The following IGF1R variants were observed in gnomAD, a reference collection of about 807,000 sequenced individuals.
The protein encoded by IGF1R is insulin-like growth factor 1 receptor.
A neutral mutation model predicts 144.6 loss-of-function variants in IGF1R; 44 were observed. That is an observed-to-expected ratio of 0.30 (90% CI 0.24 to 0.39). The LOEUF (loss-of-function observed/expected upper bound fraction) is 0.39. IGF1R is among the 10% of genes least tolerant of loss of function. IGF1R has a pLI of 1.00. For missense variants in IGF1R, 1,355 were observed against 1,833.7 expected, an observed-to-expected ratio of 0.74 and a Z score of 4.77; for synonymous variants, 795 against 722.8, an observed-to-expected ratio of 1.10 and a Z score of -1.60.
At chr15:98,864,667 G>C (rs1352075974) in intron 2 of IGF1R, among the ~76,000 whole-genome samples, 3 of 152,194 alleles carry the variant, frequency 2.0e-5, no homozygotes, top group Non-Finnish European at 4.4e-5. Flanking sequence ...ATTACAGGCG[G>C]GAGCCACAGC....
At chr15:98,682,986 A>G (rs1157158873) in intron 1 of IGF1R, among the ~76,000 whole-genome samples, 1 of 150,656 alleles carries the variant, frequency 6.6e-6, no homozygotes, top group African/African-American at 2.4e-5. Flanking sequence ...AACCCCTCAT[A>G]TCAGTGACCT....
At chr15:98,820,193 T>C (rs59843669) in intron 2 of IGF1R, among the ~76,000 whole-genome samples, 5,489 of 74,052 alleles carry the variant, frequency 0.074, 343 homozygotes, top group African/African-American at 0.23. Flanking sequence ...GAATTGCTGA[T>C]GCTATTTTCA....
At chr15:98,950,777 C>T (rs987440838) in intron 20 of IGF1R, among the ~76,000 whole-genome samples, 2 of 152,086 alleles carry the variant, frequency 1.3e-5, no homozygotes, top group East Asian at 1.9e-4. Context: ...AAGTCCCACC[C>T]GTACTCAAGT....
chr15:98,788,054 C>CTGTG (rs771505030), intron 2 of IGF1R, among the ~76,000 whole-genome samples: 4,568 of 142,016 alleles, frequency 0.032, 94 homozygotes, highest in Middle Eastern at 0.1. Context: ...CTCTCTCTCT[C>CTGTG]TCTCTCTCTG....
intron 1 of IGF1R, among the ~76,000 whole-genome samples, chr15:98,668,291 A>G (rs2052795865): frequency 2.0e-5 from 3 of 152,168 alleles, no homozygotes; most frequent in Non-Finnish European, 4.4e-5. Context: ...TTGGGGCTTC[A>G]GTATATGAAT....
chr15:98,727,173 C>T, intron 2 of IGF1R, among the ~76,000 whole-genome samples: 1 of 152,118 alleles, frequency 6.6e-6, no homozygotes, highest in East Asian at 1.9e-4. Flanking sequence ...GATGTTTTAG[C>T]TGTGATGAAT....
chr15:98,936,221 C>G (rs1302763657), intron 17 of IGF1R, among the ~76,000 whole-genome samples: 1 of 152,186 alleles, frequency 6.6e-6, no homozygotes, highest in Non-Finnish European at 1.5e-5. Context: ...ATGATCCCAC[C>G]TCAGCTGCAG....
intron 1 of IGF1R, among the ~76,000 whole-genome samples, chr15:98,682,008 C>T (rs1038278055): frequency 1.3e-5 from 2 of 151,914 alleles, no homozygotes; most frequent in Admixed American, 6.6e-5. Flanking sequence ...GGGTGGAGAG[C>T]GATTAGGAAG....
chr15:98,827,355 C>A (rs375947414), intron 2 of IGF1R, among the ~76,000 whole-genome samples: 1 of 152,142 alleles, frequency 6.6e-6, no homozygotes, highest in East Asian at 1.9e-4. Context: ...ACCATGAAGA[C>A]CCCTTAGCTC....
chr15:98,827,026 T>C (rs2056906521), intron 2 of IGF1R, among the ~76,000 whole-genome samples: 2 of 152,222 alleles, frequency 1.3e-5, no homozygotes, highest in African/African-American at 2.4e-5. Flanking sequence ...ATAGTTTATT[T>C]TAAAATGTAA....
At chr15:98,700,823 G>A (rs781074166) in intron 1 of IGF1R, among the ~76,000 whole-genome samples, 20 of 152,044 alleles carry the variant, frequency 1.3e-4, no homozygotes, top group Non-Finnish European at 2.4e-4. Context: ...TTTCAGGGTC[G>A]TCTCTGCTGA....
chr15:98,780,476 G>A (rs2055830538), intron 2 of IGF1R, among the ~76,000 whole-genome samples: 1 of 150,076 alleles, frequency 6.7e-6, no homozygotes, highest in Non-Finnish European at 1.5e-5. Flanking sequence ...TTGAACCCGG[G>A]AGGTGGAGGT....
At chr15:98,830,477 A>G (rs2056979743) in intron 2 of IGF1R, among the ~76,000 whole-genome samples, 1 of 152,172 alleles carries the variant, frequency 6.6e-6, no homozygotes, top group Admixed American at 6.5e-5. Context: ...ATCTGTCATC[A>G]GTGACTATTG....
chr15:98,947,775 C>T (rs538433598), intron 19 of IGF1R, among the ~76,000 whole-genome samples: 2 of 152,192 alleles, frequency 1.3e-5, no homozygotes, highest in Non-Finnish European at 2.9e-5. Context: ...GATTCTTTGT[C>T]CATGATACCC....
At chr15:98,932,131 T>G (rs1207159930) in intron 15 of IGF1R, among the ~76,000 whole-genome samples, 1 of 152,204 alleles carries the variant, frequency 6.6e-6, no homozygotes, top group East Asian at 1.9e-4. Context: ...CATGGTGACT[T>G]GAATTCACAT....
At chr15:98,657,103 C>G (rs1009464067) in intron 1 of IGF1R, among the ~76,000 whole-genome samples, 8 of 152,180 alleles carry the variant, frequency 5.3e-5, no homozygotes, top group Non-Finnish European at 1.2e-4. Flanking sequence ...TGGTTAGTCT[C>G]TGTAAAGTTG....
rs893212565 is a variant in IGF1R, at chr15:98,948,493, G to A, written c.3588-81G>A. 7 of 1,441,726 alleles carry A rather than the reference G, an allele frequency of 4.9e-6. No individual in the cohort carries two copies. The African/African-American group carries it at 5.6e-5, about 12-fold the overall frequency. The allele number at this position is 1,441,726 out of a possible 1,614,324, so 89.3% of individuals were successfully genotyped here. On this transcript the variant is annotated intron_variant, in intron 19 of 20. Coordinates refer to ENST00000650285, the MANE Select transcript of IGF1R (RefSeq NM_000875.5). The stretch of plus-strand genomic sequence containing the variant: ...TAAGGACAGTTTATCTGCTCGGGAT[G>A]TAAGAAGTGCTGGAAAGGAGGGGGC...
At chr15:98,740,329 C>T (rs530778517) in intron 2 of IGF1R, among the ~76,000 whole-genome samples, 1 of 152,242 alleles carries the variant, frequency 6.6e-6, no homozygotes, top group South Asian at 2.1e-4. Context: ...AATATCATGG[C>T]CATTCTCTAA....
At chr15:98,819,016 G>A (rs2056753794) in intron 2 of IGF1R, among the ~76,000 whole-genome samples, 1 of 152,164 alleles carries the variant, frequency 6.6e-6, no homozygotes, top group South Asian at 2.1e-4. Flanking sequence ...CTGCAAAGGA[G>A]TGGGGAGGGA....
Sources: allele counts gnomAD v4.1 joint callset (sites outside exome capture counted in the v4.1 genomes callset), GRCh38; gene constraint gnomAD v4.1.1; transcripts MANE v1.5; gene names NCBI Gene and HGNC (gene_info 2026-07-23, HGNC 2026-07-21).